Variants in FAM221B observed in about 807,000 individuals in gnomAD.
FAM221B encodes the protein protein FAM221B.
A neutral mutation model predicts 39.8 loss-of-function variants in FAM221B; 35 were observed. The ratio of observed to expected loss-of-function variants is 0.88; its 90% CI spans 0.67 to 1.17. The LOEUF (loss-of-function observed/expected upper bound fraction) is 1.17, where lower values mean the gene tolerates loss of function less well. Ranked by LOEUF, FAM221B falls within the 50% of genes most tolerant of loss-of-function variation. The pLI is 0.00. For synonymous variants in FAM221B, 158 were observed against 178.1 expected, an observed-to-expected ratio of 0.89 and a Z score of 0.90; for missense variants, 479 against 503.1, an observed-to-expected ratio of 0.95 and a Z score of 0.46.
In FAM221B at chr9:35,818,991, A is replaced by C. The variant is rs1829076700; in HGVS notation, c.1070T>G (p.Phe357Cys). 3 of 1,551,610 alleles carry C rather than the reference A, an allele frequency of 1.9e-6. No homozygotes were observed. The highest frequency in any genetic ancestry group is 2.6e-6 in the Non-Finnish European group (3 of 1,147,012). ...GGCCGCACAGAGGAAATTAGACTCA[A>C]AACAGCCGCAGCAACAGCCTGGGGC... ...CRHHGCCCGC[F>C]ESNFLCAACD... Residue 357 changes from phenylalanine (F) to cysteine (C), a missense_variant, in exon 6 of 7, where the codon TTT (phenylalanine) becomes TGT (cysteine). Physicochemically the swap from Phe to Cys is radical, Grantham distance 205. Transcript: ENST00000423537.
chr9:35,819,090 G>C, intron 5 of FAM221B, 81 bp from the exon 6 acceptor site: 1 of 1,541,264 alleles, frequency 6.5e-7, no homozygotes, highest in South Asian at 1.2e-5. Flanking sequence ...CTCTTCCTCA[G>C]TGACCGCATG....
rs1205334528 is a variant in FAM221B, at chr9:35,818,346, G to C, written c.*123C>G. 7.9e-6 allele frequency: 7 copies of C among 883,370 alleles called. No individual in the cohort carries two copies. Among genetic ancestry groups the C allele is most frequent in the Non-Finnish European group, 1.3e-5 (7 of 551,858 alleles). 54.7% of individuals were successfully genotyped at this position (883,370 alleles called of 1,614,324 possible). A position where few individuals can be genotyped will look rare whatever the true frequency, so the allele number is the denominator to read the frequency against. On this transcript the variant is annotated 3_prime_UTR_variant, in exon 7 of 7. Transcript: ENST00000423537. ...GATGGCCAGATCCAGGCTTTCTCCT[G>C]TGTCTAATAGGTGTCAACTCTAAGT...
In FAM221B at chr9:35,828,621, T is replaced by C. The variant is rs991675504; in HGVS notation, c.-159A>G. 8.1e-6 allele frequency: 8 copies of C among 985,510 alleles called. No homozygotes were observed. The African/African-American group carries it at 1.0e-4, about 13-fold the overall frequency. 61.0% of individuals were successfully genotyped at this position (985,510 alleles called of 1,614,324 possible). A position where few individuals can be genotyped will look rare whatever the true frequency, so the allele number is the denominator to read the frequency against. On this transcript the variant is annotated 5_prime_UTR_variant, in exon 1 of 7. It adds an upstream start codon to the 5' untranslated region. Coordinates refer to ENST00000423537, the MANE Select transcript of FAM221B (RefSeq NM_001012446.4). The surrounding 1 kb of genome is among the most constrained non-coding windows in gnomAD (Gnocchi z 4.5). The stretch of plus-strand genomic sequence containing the variant: ...TGAAATGCCTTGCCTGAAAGTCTGC[T>C]ATCTGGGAAGGGGACTTGGATATCT...
At chr9:35,824,055 G>A (rs1257710218) in intron 3 of FAM221B, among the ~76,000 whole-genome samples, 2 of 152,124 alleles carry the variant, frequency 1.3e-5, no homozygotes, top group African/African-American at 2.4e-5. Context: ...GGGAGGTGGA[G>A]GGTCCCTGCA....
intron 3 of FAM221B, chr9:35,821,507 G>A: frequency 7.3e-7 from 1 of 1,367,924 alleles, no homozygotes; most frequent in Non-Finnish European, 9.8e-7. Context: ...TCTTGATGCT[G>A]ATTGCCTGTA....
At chr9:35,824,206 T>A (rs991883958) in intron 3 of FAM221B, among the ~76,000 whole-genome samples, 1 of 152,200 alleles carries the variant, frequency 6.6e-6, no homozygotes, top group African/African-American at 2.4e-5. Context: ...ATAAATGTCA[T>A]AACATCTATT....
Position 35,826,105 on chromosome 9 carries a change from G to A in FAM221B, c.57C>T (p.His19=). The change falls in exon 2 of 7, where the codon CAC becomes CAT. Residue 19 remains histidine, a synonymous_variant. Transcript: ENST00000423537. ...CAGCAGAGGGGTCCTTTGAAGGGGGGTGCTTCTCTGCATCCATGGTGATAT... is the reference window on the plus strand; with the variant it reads ...CAGCAGAGGGGTCCTTTGAAGGGGGATGCTTCTCTGCATCCATGGTGATAT... ...EPHITMDAEK[H]PPSKDPSAED... is the part of the protein sequence containing the mutation. 1.2e-6 allele frequency: 2 copies of A among 1,611,578 alleles called. No homozygotes were observed. Among genetic ancestry groups the A allele is most frequent in the Non-Finnish European group, 1.7e-6 (2 of 1,178,908 alleles).
chr9:35,820,506 A>G (rs1829126871), intron 3 of FAM221B, among the ~76,000 whole-genome samples: 1 of 152,106 alleles, frequency 6.6e-6, no homozygotes, highest in South Asian at 2.1e-4. Context: ...TGAAGAGGAG[A>G]AGGAGGTTGG....
intron 1 of FAM221B, 33 bp from the exon 2 acceptor site, chr9:35,826,194 G>A: frequency 6.6e-7 from 1 of 1,514,214 alleles, no homozygotes; most frequent in Non-Finnish European, 8.9e-7. Flanking sequence ...GCTTCATTAG[G>A]TTGGAAATAG....
At chr9:35,824,166 A>G (rs2132147988) in intron 3 of FAM221B, among the ~76,000 whole-genome samples, 1 of 152,280 alleles carries the variant, frequency 6.6e-6, no homozygotes, top group East Asian at 1.9e-4. Context: ...TATTCCCATC[A>G]TAAAGGGAAA....
intron 3 of FAM221B, among the ~76,000 whole-genome samples, chr9:35,823,025 C>T (rs557727083): frequency 1.4e-4 from 21 of 152,324 alleles, no homozygotes; most frequent in African/African-American, 4.8e-4. Flanking sequence ...GCTCTTCTCC[C>T]CACCACTCTA....
At chr9:35,824,481 G>A (rs909933503) in intron 3 of FAM221B, among the ~76,000 whole-genome samples, 1 of 152,112 alleles carries the variant, frequency 6.6e-6, no homozygotes, top group African/African-American at 2.4e-5. Context: ...TGGGTACCCA[G>A]CATGGGCCTG....
chr9:35,821,117 C>T (rs1455958670), intron 3 of FAM221B, among the ~76,000 whole-genome samples: 1 of 152,348 alleles, frequency 6.6e-6, no homozygotes, highest in Middle Eastern at 3.4e-3. Flanking sequence ...GCTCCTTGTG[C>T]TACTCCTGTT....
intron 4 of FAM221B, 103 bp from the exon 5 acceptor site, chr9:35,819,497 C>CTT (rs879514713): frequency 2.6e-4 from 219 of 855,364 alleles, no homozygotes; most frequent in Non-Finnish European, 3.1e-4. Context: ...CGCAGACATG[C>CTT]TTTTTTTTTT....
intron 3 of FAM221B, among the ~76,000 whole-genome samples, chr9:35,824,559 C>G (rs1401379894): frequency 1.3e-5 from 2 of 152,158 alleles, no homozygotes; most frequent in African/African-American, 2.4e-5. Flanking sequence ...CATGTCAGAA[C>G]AGCAAGTCTC....
chr9:35,822,951 T>G (rs549064430), intron 3 of FAM221B, among the ~76,000 whole-genome samples: 8 of 152,340 alleles, frequency 5.3e-5, no homozygotes, highest in African/African-American at 1.2e-4. Flanking sequence ...CCTCAGGATA[T>G]AATTCTAGCT....
intron 3 of FAM221B, among the ~76,000 whole-genome samples, chr9:35,823,230 G>A (rs542438619): frequency 3.3e-5 from 5 of 152,248 alleles, no homozygotes; most frequent in Middle Eastern, 3.4e-3. Context: ...TCATGCAGCA[G>A]TCTAGGATAA....
rs372358720 is a variant in FAM221B at position 35,828,292 on chromosome 9, A to AAACAACAACAACAACAAC, written c.-1+153_-1+170dup. On this transcript the variant is annotated intron_variant, in intron 1 of 6. Coordinates refer to ENST00000423537, the MANE Select transcript of FAM221B (RefSeq NM_001012446.4). This position sits in a 1 kb window ranked among gnomAD's most constrained non-coding sequence, Gnocchi z 4.5. ...GGGGGACAGAGCGAGACTCTGTCTC[A>AAACAACAACAACAACAAC]AACAACAACAACAACAACAACAACA... Among the ~76,000 whole-genome samples the AAACAACAACAACAACAAC allele has an allele frequency of 3.8e-4, 48 of 126,580 alleles. No individual in the cohort carries two copies. The highest frequency in any genetic ancestry group is 5.9e-4 in the Non-Finnish European group (36 of 60,772). 83.0% of individuals were successfully genotyped at this position (126,580 alleles called of 152,430 possible).
In FAM221B at chr9:35,819,904, T is replaced by C. The variant is rs911727243; in HGVS notation, c.839A>G (p.His280Arg). The C allele has an allele frequency of 6.2e-7, 1 of 1,612,982 alleles. No individual in the cohort carries two copies. The highest frequency in any genetic ancestry group is 8.5e-7 in the Non-Finnish European group (1 of 1,178,992). Reference protein sequence around the residue: ...RCFCGHLLREHRIISDISVPC... With the variant: ...RCFCGHLLRERRIISDISVPC... ...TTCTCCCCTACCTGAGATGATCCGG[T>C]GCTCTCTCAACAAGTGTCCACAAAA... is the stretch of plus-strand genomic sequence containing the variant. Residue 280 changes from histidine to arginine, a missense_variant, in exon 4 of 7, where the codon CAC (histidine) becomes CGC (arginine). By Grantham distance (29) the His-to-Arg change is conservative. Transcript: ENST00000423537.
Sources: gnomAD v4.1 joint callset for allele counts (sites outside exome capture counted in the v4.1 genomes callset) on GRCh38, gnomAD v4.1.1 for gene constraint, Gnocchi (gnomAD v3.1) non-coding constraint, MANE v1.5 for transcripts, NCBI Gene and HGNC (gene_info 2026-07-23, HGNC 2026-07-21) for gene names.